NKAIN3: variants seen among roughly 807,000 people sequenced by gnomAD.
NKAIN3 encodes sodium/potassium-transporting ATPase subunit beta-1-interacting protein 3.
In NKAIN3, 25 loss-of-function variants were observed where a neutral mutation model predicts 30.2. That is an observed-to-expected ratio of 0.83 (90% CI 0.60 to 1.16). The LOEUF is 1.16. Ranked by LOEUF, NKAIN3 falls within the 50% of genes most tolerant of loss-of-function variation. NKAIN3 has a pLI of 0.00. For missense variants in NKAIN3, 225 were observed against 254.1 expected (o/e 0.89, Z 0.78); for synonymous variants, 91 against 89.6 (o/e 1.02, Z -0.09).
chr8:62,846,077 T>C (rs1038451685), intron 4 of NKAIN3, among the ~76,000 whole-genome samples: 2 of 152,102 alleles, frequency 1.3e-5, no homozygotes, highest in African/African-American at 4.8e-5. Flanking sequence ...ACTTGAATTC[T>C]TAAAAATTCA....
chr8:62,434,297 T>C (rs1805104124), intron 1 of NKAIN3, among the ~76,000 whole-genome samples: 1 of 152,142 alleles, frequency 6.6e-6, no homozygotes, highest in African/African-American at 2.4e-5. Flanking sequence ...GTGATGCAAG[T>C]CTCAACCTCA....
At chr8:62,590,734 A>G (rs1316217159) in intron 3 of NKAIN3, among the ~76,000 whole-genome samples, 2 of 151,854 alleles carry the variant, frequency 1.3e-5, no homozygotes, top group Admixed American at 1.3e-4. Context: ...CCTTGTGGTA[A>G]CAAAACATGT....
chr8:62,693,918 G>T (rs1412074076), intron 3 of NKAIN3, among the ~76,000 whole-genome samples: 2 of 151,866 alleles, frequency 1.3e-5, no homozygotes, highest in Non-Finnish European at 2.9e-5. Flanking sequence ...CAACAAAAAA[G>T]AAAAAAGTTG....
chr8:62,604,759 A>G (rs750467583), intron 3 of NKAIN3, among the ~76,000 whole-genome samples: 1 of 152,200 alleles, frequency 6.6e-6, no homozygotes, highest in Admixed American at 6.5e-5. Context: ...AAAAGAAAGA[A>G]TATCCATTTG....
chr8:62,694,255 C>G (rs565177148), intron 3 of NKAIN3, among the ~76,000 whole-genome samples: 1 of 152,108 alleles, frequency 6.6e-6, no homozygotes, highest in Non-Finnish European at 1.5e-5. Flanking sequence ...TTCCTAGCCT[C>G]TGGTAATTGC....
At chr8:62,358,699 A>G (rs1298438359) in intron 1 of NKAIN3, among the ~76,000 whole-genome samples, 3 of 152,154 alleles carry the variant, frequency 2.0e-5, no homozygotes, top group Non-Finnish European at 4.4e-5. Context: ...ATCGTGCTTT[A>G]AGCTCTAAGA....
chr8:62,468,812 G>T (rs1346213981), intron 1 of NKAIN3, among the ~76,000 whole-genome samples: 1 of 151,984 alleles, frequency 6.6e-6, no homozygotes, highest in Non-Finnish European at 1.5e-5. Context: ...GGAAGTAACT[G>T]GCATCATCAG....
At chr8:62,257,867 C>A (rs1276180778) in intron 1 of NKAIN3, among the ~76,000 whole-genome samples, 1 of 151,826 alleles carries the variant, frequency 6.6e-6, no homozygotes, top group Non-Finnish European at 1.5e-5. Flanking sequence ...CCATTTTAAT[C>A]AAATCATTTT....
chr8:62,861,561 A>G (rs1443056385), intron 4 of NKAIN3, among the ~76,000 whole-genome samples: 1 of 152,188 alleles, frequency 6.6e-6, no homozygotes, highest in Non-Finnish European at 1.5e-5. Flanking sequence ...TACAAAAGAA[A>G]ACAAAATATA....
Position 62,642,407 on chromosome 8 carries a change from G to C in NKAIN3, c.273+52613G>C, listed in dbSNP as rs1448612194. ...ATCATAACACATTCTCACACCTATA[G>C]AGTAGTTTGTATTTAATATTGTCTT... On this transcript the variant is annotated intron_variant, in intron 3 of 6. Transcript: ENST00000623646. 2.0e-5 allele frequency among the ~76,000 whole-genome samples: 3 copies of C among 152,040 alleles called. No homozygotes were observed. In the East Asian group the frequency reaches 5.8e-4, roughly 29 times the overall value.
chr8:62,391,421 G>A (rs976465262), intron 1 of NKAIN3, among the ~76,000 whole-genome samples: 7 of 152,030 alleles, frequency 4.6e-5, no homozygotes, highest in Non-Finnish European at 1.0e-4. Context: ...TAAGGTCAAA[G>A]TCATAAGACA....
intron 1 of NKAIN3, among the ~76,000 whole-genome samples, chr8:62,444,445 A>C (rs1046942162): frequency 6.6e-6 from 1 of 151,950 alleles, no homozygotes; most frequent in Non-Finnish European, 1.5e-5. Flanking sequence ...CATGAAATCC[A>C]CTTTTTTAGC....
At chr8:62,284,911 C>T (rs902023739) in intron 1 of NKAIN3, among the ~76,000 whole-genome samples, 1 of 152,048 alleles carries the variant, frequency 6.6e-6, no homozygotes, top group South Asian at 2.1e-4. Flanking sequence ...CAGACATGCA[C>T]CTGTGAGTAA....
intron 1 of NKAIN3, among the ~76,000 whole-genome samples, chr8:62,481,055 C>G (rs1175760862): frequency 6.6e-6 from 1 of 152,164 alleles, no homozygotes; most frequent in African/African-American, 2.4e-5. Flanking sequence ...TCATGCTTCT[C>G]ATATTTATAA....
At chr8:62,741,920 C>G (rs1428617066) in intron 3 of NKAIN3, among the ~76,000 whole-genome samples, 1 of 152,112 alleles carries the variant, frequency 6.6e-6, no homozygotes, top group African/African-American at 2.4e-5. Flanking sequence ...CTCCCAAACC[C>G]TCCTACTTGG....
At chr8:62,666,332 A>G (rs1335498371) in intron 3 of NKAIN3, among the ~76,000 whole-genome samples, 6 of 152,204 alleles carry the variant, frequency 3.9e-5, no homozygotes, top group African/African-American at 1.2e-4. Flanking sequence ...ATGCATTCCA[A>G]CTATAAACTT....
chr8:62,487,406 C>A (rs1403519018), intron 1 of NKAIN3, among the ~76,000 whole-genome samples: 1 of 152,126 alleles, frequency 6.6e-6, no homozygotes, highest in East Asian at 1.9e-4. Context: ...ATAAATATTA[C>A]CCACGGAGAG....
intron 1 of NKAIN3, among the ~76,000 whole-genome samples, chr8:62,379,229 G>A (rs1054089251): frequency 7.2e-5 from 11 of 152,140 alleles, no homozygotes; most frequent in Admixed American, 2.0e-4. Context: ...CCTGTACCCC[G>A]ATTGTATCTA....
In NKAIN3 at chr8:62,778,486, C is replaced by G. The variant is rs1265000674; in HGVS notation, c.471+31357C>G. ...AGTGTGGAACTCTTCCCACAGTCAC[C>G]ACTACCACAGGTTCACAACAAATAT... On this transcript the variant is annotated intron_variant, in intron 4 of 6. Transcript: ENST00000623646. Among the ~76,000 whole-genome samples, 8 of 152,134 alleles carry G rather than the reference C, an allele frequency of 5.3e-5. No homozygotes were observed. In the East Asian group the frequency reaches 1.6e-3, roughly 30 times the overall value.
Sources: allele counts gnomAD v4.1 joint callset (sites outside exome capture counted in the v4.1 genomes callset), GRCh38; gene constraint gnomAD v4.1.1; transcripts MANE v1.5; gene names NCBI Gene and HGNC (gene_info 2026-07-23, HGNC 2026-07-21).